NPAT: variants seen among roughly 807,000 people sequenced by gnomAD.
NPAT encodes the protein nuclear protein, coactivator of histone transcription, also known as protein NPAT.
In NPAT, 52 loss-of-function variants were observed where a neutral mutation model predicts 130.7. The ratio of observed to expected loss-of-function variants is 0.40; its 90% CI spans 0.32 to 0.50. NPAT has a LOEUF of 0.50. Ranked by LOEUF, NPAT falls within the 20% of genes least tolerant of loss-of-function variation. The pLI is 0.68. For synonymous variants in NPAT, 580 were observed against 584.8 expected, an observed-to-expected ratio of 0.99 and a Z score of 0.12; for missense variants, 1,687 against 1,662.6, an observed-to-expected ratio of 1.01 and a Z score of -0.26.
chr11:108,189,137 G>T lies in NPAT; in HGVS notation c.525C>A (p.Val175=). 6.2e-7 allele frequency: 1 copy of T among 1,614,028 alleles called. No homozygotes were observed. ...CAGTATCTTGTGACTGTGAGTGGTT[G>T]ACCACTACAAAATATGACCTCGATG... The part of the protein sequence containing the change: ...SDPSRSYFVV[V]NHSQSQDTVT... Residue 175 remains valine (V), a synonymous_variant, in exon 6 of 18, where the codon GTC becomes GTA. Coordinates refer to ENST00000278612, the MANE Select transcript of NPAT (RefSeq NM_002519.3).
chr11:108,191,391 C>T (rs143849325), intron 4 of NPAT, among the ~76,000 whole-genome samples: 69 of 152,136 alleles, frequency 4.5e-4, no homozygotes, highest in East Asian at 3.7e-3. Flanking sequence ...CCCCTTTATT[C>T]GATAAAGTCA....
intron 7 of NPAT, among the ~76,000 whole-genome samples, chr11:108,187,382 T>C (rs2078117558): frequency 1.3e-5 from 2 of 152,126 alleles, no homozygotes; most frequent in Non-Finnish European, 1.5e-5. Context: ...AGCCCACAAG[T>C]TCGAGGCTGC....
chr11:108,219,027 T>G (rs2078459433), intron 1 of NPAT, among the ~76,000 whole-genome samples: 1 of 152,208 alleles, frequency 6.6e-6, no homozygotes, highest in Admixed American at 6.5e-5. Flanking sequence ...GTTAGGGGTG[T>G]GTCAGTTTTG....
At position 108,173,777 on chromosome 11, in the gene NPAT, T is replaced by C; in HGVS notation, c.1207A>G (p.Asn403Asp). The C allele has an allele frequency of 6.2e-7, 1 of 1,614,196 alleles. No individual in the cohort carries two copies. Among genetic ancestry groups the C allele is most frequent in the South Asian group, 1.1e-5 (1 of 91,084 alleles). Residue 403 changes from asparagine (N) to aspartate (D), a missense_variant, in exon 13 of 18, where the codon AAC (asparagine) becomes GAC (aspartate). By Grantham distance (23) the Asn-to-Asp change is conservative. Transcript: ENST00000278612. The stretch of plus-strand genomic sequence containing the variant: ...TCTTGTCTAAGCACATCATGGTTGT[T>C]GCTATTCTTCAAAGCATTTAATGGG... Reference protein sequence around the residue: ...DDPLNALKNSNNHDVLRQEDQ... With the variant: ...DDPLNALKNSDNHDVLRQEDQ...
At chr11:108,170,635 A>G (rs1432543273) in intron 13 of NPAT, among the ~76,000 whole-genome samples, 1 of 152,260 alleles carries the variant, frequency 6.6e-6, no homozygotes, top group Non-Finnish European at 1.5e-5. Context: ...AGTCCTGTCC[A>G]TAAACAAACT....
At position 108,158,992 on chromosome 11, in the gene NPAT, C is replaced by T; in HGVS notation, c.4234G>A (p.Ala1412Thr). ...AAAAATTTGTCTACATCCATTCCTG[C>T]TGGAAATGAACTGGGAAGCTTCTTT... ...KKKKLPSSFP[A>T]GMDVDKFLLS... is the part of the protein sequence containing the mutation. The change falls in exon 18 of 18, where the codon GCA becomes ACA. Residue 1412 changes from alanine (A) to threonine (T), a missense_variant. By Grantham distance (58) the Ala-to-Thr change is moderately conservative. Transcript: ENST00000278612. The T allele has an allele frequency of 6.2e-7, 1 of 1,608,256 alleles. No homozygotes were observed.
At chr11:108,185,931 G>A (rs1050531397) in intron 8 of NPAT, among the ~76,000 whole-genome samples, 1 of 152,198 alleles carries the variant, frequency 6.6e-6, no homozygotes, top group East Asian at 1.9e-4. Flanking sequence ...CAGTTGTCCA[G>A]GCTGGTCTTG....
intron 10 of NPAT, among the ~76,000 whole-genome samples, chr11:108,181,610 A>C (rs1206281157): frequency 6.6e-6 from 1 of 152,028 alleles, no homozygotes; most frequent in African/African-American, 2.4e-5. Context: ...AAAAATAAAC[A>C]CTCCCCTTTG....
At chr11:108,162,956 T>C (rs2077866715) in intron 15 of NPAT, among the ~76,000 whole-genome samples, 1 of 152,218 alleles carries the variant, frequency 6.6e-6, no homozygotes, top group South Asian at 2.1e-4. Context: ...TCAGCATTTA[T>C]GTGGGAGAGC....
At chr11:108,169,578 CTGTTCAGTAACAGT>C (rs2077930799) in intron 15 of NPAT, among the ~76,000 whole-genome samples, 152 bp downstream of exon 15, 1 of 152,200 alleles carries the variant, frequency 6.6e-6, no homozygotes, top group African/African-American at 2.4e-5. Context: ...AGAACCAAAG[CTGTTCAGTAACAGT>C]TGGCTGCATT....
At position 108,177,051 on chromosome 11, in the gene NPAT, A is replaced by G. The variant is rs377600506; in HGVS notation, c.946T>C (p.Leu316=). ...HMSEEAIQDI[L]EQTESDPAFQ... ...GCTGGGTCTGATTCTGTCTGTTCCA[A>G]TATGTCCTGTATAGCTTCTTCAGAC... Residue 316 remains leucine, a synonymous_variant, in exon 11 of 18, where the codon TTG becomes CTG. Transcript: ENST00000278612. 6.9e-5 allele frequency: 111 copies of G among 1,613,382 alleles called. No individual in the cohort carries two copies. The highest frequency in any genetic ancestry group is 1.2e-4 in the Admixed American group (7 of 59,990).
At chr11:108,193,896 C>T (rs1003185927) in intron 3 of NPAT, 61 bp downstream of exon 3, 1 of 1,011,064 alleles carries the variant, frequency 9.9e-7, no homozygotes, top group East Asian at 2.4e-5. Flanking sequence ...TCATTTTTAA[C>T]TAAATCAAGT....
intron 1 of NPAT, among the ~76,000 whole-genome samples, chr11:108,198,557 A>G (rs1460299709): frequency 6.6e-6 from 1 of 152,210 alleles, no homozygotes; most frequent in Non-Finnish European, 1.5e-5. Context: ...AGCCAAAGAC[A>G]GTCTGAAGCC....
chr11:108,166,017 C>CA (rs71047680), intron 15 of NPAT, among the ~76,000 whole-genome samples: 137,602 of 140,954 alleles, frequency 0.98, 67,125 homozygotes, highest in South Asian at 0.99. Context: ...CTCCTGGGCT[C>CA]AGTGATCCAC....
intron 17 of NPAT, among the ~76,000 whole-genome samples, chr11:108,159,435 T>C (rs911280090): frequency 4.6e-5 from 7 of 152,276 alleles, no homozygotes; most frequent in Non-Finnish European, 1.0e-4. Flanking sequence ...CAACCTAAGA[T>C]ACCTGGTAAT....
At chr11:108,160,651 A>G (rs1051273795) in intron 17 of NPAT, among the ~76,000 whole-genome samples, 1 of 152,174 alleles carries the variant, frequency 6.6e-6, no homozygotes, top group Non-Finnish European at 1.5e-5. Flanking sequence ...CCTTGTGCGT[A>G]CTACACTAAC....
At chr11:108,216,386 G>C (rs1043619738) in intron 1 of NPAT, among the ~76,000 whole-genome samples, 2 of 152,014 alleles carry the variant, frequency 1.3e-5, no homozygotes, top group Non-Finnish European at 2.9e-5. Context: ...TTGGTTCTGG[G>C]GCAGGGAGGA....
At chr11:108,163,372 T>C (rs535244879) in intron 15 of NPAT, among the ~76,000 whole-genome samples, 10 of 152,244 alleles carry the variant, frequency 6.6e-5, no homozygotes, top group South Asian at 2.1e-4. Flanking sequence ...TGAGCCACCA[T>C]GCCCGGCCCC....
At chr11:108,216,347 G>A (rs1184809211) in intron 1 of NPAT, among the ~76,000 whole-genome samples, 5 of 152,072 alleles carry the variant, frequency 3.3e-5, no homozygotes, top group Non-Finnish European at 7.4e-5. Context: ...ATTCTCAAAA[G>A]GAGTCATACT....
Sources: gnomAD v4.1 joint callset for allele counts (sites outside exome capture counted in the v4.1 genomes callset) on GRCh38, gnomAD v4.1.1 for gene constraint, MANE v1.5 for transcripts, NCBI Gene and HGNC (gene_info 2026-07-23, HGNC 2026-07-21) for gene names.